PTPN11: variants seen among roughly 807,000 people sequenced by gnomAD.
PTPN11 encodes the protein tyrosine-protein phosphatase non-receptor type 11.
Under a neutral mutation model 78.8 loss-of-function variants are expected in PTPN11, and 6 were observed. The observed-to-expected ratio is 0.08, with a 90% confidence interval of 0.04 to 0.15. The LOEUF (loss-of-function observed/expected upper bound fraction) is 0.15, where lower values mean the gene tolerates loss of function less well. PTPN11 is among the 10% of genes least tolerant of loss of function. The pLI, the probability that PTPN11 is intolerant of heterozygous loss-of-function variation, is 1.00. For missense variants in PTPN11, 386 were observed against 744.8 expected (o/e 0.52, Z 5.61); for synonymous variants, 221 against 263.5 (o/e 0.84, Z 1.56).
chr12:112,427,918 G>C (rs951272219), intron 1 of PTPN11, among the ~76,000 whole-genome samples: 16 of 151,990 alleles, frequency 1.1e-4, no homozygotes, highest in African/African-American at 3.6e-4. Context: ...GCCCAGTTAA[G>C]TTTTTCATTT....
chr12:112,451,868 C>A (rs2038082978), intron 3 of PTPN11, among the ~76,000 whole-genome samples: 1 of 152,060 alleles, frequency 6.6e-6, no homozygotes, highest in African/African-American at 2.4e-5. Flanking sequence ...ACAACTTTTT[C>A]TTTCTTTTTT....
intron 13 of PTPN11, among the ~76,000 whole-genome samples, chr12:112,490,647 G>C (rs7978851): frequency 6.6e-6 from 1 of 151,680 alleles, no homozygotes; most frequent in African/African-American, 2.4e-5. Flanking sequence ...AGGTCTCACT[G>C]TGTTGCCCAG....
At chr12:112,479,533 G>A (rs1348370520) in intron 9 of PTPN11, among the ~76,000 whole-genome samples, 1 of 152,160 alleles carries the variant, frequency 6.6e-6, no homozygotes, top group Non-Finnish European at 1.5e-5. Context: ...TCTGGTCATC[G>A]TGAAACAAAG....
intron 1 of PTPN11, among the ~76,000 whole-genome samples, chr12:112,423,064 A>T (rs2037549364): frequency 6.6e-6 from 1 of 152,166 alleles, no homozygotes; most frequent in Admixed American, 6.6e-5. Flanking sequence ...AGGATTGGAG[A>T]CCCTGAAATG....
chr12:112,424,402 T>A (rs529237317), intron 1 of PTPN11, among the ~76,000 whole-genome samples: 8 of 150,354 alleles, frequency 5.3e-5, no homozygotes, highest in African/African-American at 2.0e-4. Context: ...CAATGCAAAA[T>A]CATAGAAGGA....
At position 112,508,280 on chromosome 12, in the gene PTPN11, A is replaced by C. The variant is rs2038960609; in HGVS notation, c.*2488A>C. Reference sequence around the variant, plus strand: ...AACTTAGGCCAAGGCCAGAGTTATCATAGTCCCTAGGTTGCTACGGCTTAT... The same window carrying C: ...AACTTAGGCCAAGGCCAGAGTTATCCTAGTCCCTAGGTTGCTACGGCTTAT... On this transcript the variant is annotated 3_prime_UTR_variant, in exon 16 of 16. Coordinates refer to ENST00000351677, the MANE Select transcript of PTPN11 (RefSeq NM_002834.5). 1 of 152,624 alleles carries C rather than the reference A, an allele frequency of 6.6e-6. No homozygotes were observed. The highest frequency in any genetic ancestry group is 2.4e-5 in the African/African-American group (1 of 41,460). The allele number at this position is 152,624 out of a possible 1,614,324, so 9.5% of individuals were successfully genotyped here.
At chr12:112,501,862 T>C (rs1226867575) in intron 13 of PTPN11, among the ~76,000 whole-genome samples, 1 of 152,240 alleles carries the variant, frequency 6.6e-6, no homozygotes, top group Non-Finnish European at 1.5e-5. Context: ...GTGAATTCTC[T>C]TGTAGAAACA....
At chr12:112,424,419 C>T (rs774242128) in intron 1 of PTPN11, among the ~76,000 whole-genome samples, 97 of 151,878 alleles carry the variant, frequency 6.4e-4, no homozygotes, top group Non-Finnish European at 1.2e-3. Context: ...AGGATGTGAT[C>T]GGGGGAGTGG....
chr12:112,478,530 C>A (rs2038545824), intron 9 of PTPN11, among the ~76,000 whole-genome samples: 1 of 152,070 alleles, frequency 6.6e-6, no homozygotes, highest in Non-Finnish European at 1.5e-5. Flanking sequence ...TTTTTTCTCC[C>A]CGTGTTTCAT....
At position 112,509,544 on chromosome 12, in the gene PTPN11, T is replaced by C. The variant is rs928106187; in HGVS notation, c.*3752T>C. On this transcript the variant is annotated 3_prime_UTR_variant, in exon 16 of 16. Transcript: ENST00000351677. ...AGTATTGTACCAGAGTATTAAAAGATATGTAATATTTTATTGATAAATCTA... is the reference window on the plus strand; with the variant it reads ...AGTATTGTACCAGAGTATTAAAAGACATGTAATATTTTATTGATAAATCTA... 6.6e-6 allele frequency: 1 copy of C among 152,656 alleles called. No homozygotes were observed. The highest frequency in any genetic ancestry group is 2.4e-5 in the African/African-American group (1 of 41,456). 9.5% of individuals were successfully genotyped at this position (152,656 alleles called of 1,614,324 possible).
chr12:112,449,013 A>T (rs1399317812), intron 2 of PTPN11, among the ~76,000 whole-genome samples: 11 of 151,630 alleles, frequency 7.3e-5, no homozygotes, highest in Non-Finnish European at 2.9e-5. Context: ...CAGCCTCCCC[A>T]GTAGGTGAGA....
chr12:112,419,149 C>A, intron 1 of PTPN11, 24 bp downstream of exon 1: 5 of 1,502,256 alleles, frequency 3.3e-6, no homozygotes, highest in Non-Finnish European at 4.4e-6. Flanking sequence ...AGGGGCCCGG[C>A]GCGGGCCTCG....
intron 1 of PTPN11, among the ~76,000 whole-genome samples, chr12:112,442,705 G>A (rs1020796507): frequency 2.7e-5 from 4 of 149,790 alleles, no homozygotes; most frequent in African/African-American, 7.4e-5. Flanking sequence ...ACCTGCCTCC[G>A]CCTCCCAAAG....
intron 2 of PTPN11, among the ~76,000 whole-genome samples, chr12:112,449,377 G>A (rs2038045323): frequency 6.6e-6 from 1 of 151,732 alleles, no homozygotes; most frequent in Middle Eastern, 3.4e-3. Flanking sequence ...CGTCGTGGCG[G>A]GCGCCTGTAG....
intron 1 of PTPN11, among the ~76,000 whole-genome samples, chr12:112,427,545 C>CA (rs536242811): frequency 0.022 from 2,696 of 121,382 alleles, 36 homozygotes; most frequent in African/African-American, 0.044. Context: ...GACTCTGTCT[C>CA]AAAAAAAAAA....
intron 6 of PTPN11, among the ~76,000 whole-genome samples, chr12:112,463,277 T>G (rs1303631178): frequency 1.3e-5 from 2 of 151,760 alleles, no homozygotes; most frequent in Admixed American, 1.3e-4. Flanking sequence ...GACAGGGTCT[T>G]GCTATGTTGC....
At chr12:112,475,987 A>G in intron 7 of PTPN11, among the ~76,000 whole-genome samples, 1 of 151,980 alleles carries the variant, frequency 6.6e-6, no homozygotes, top group African/African-American at 2.4e-5. Context: ...ATTTTTAGAA[A>G]TAGACAAGAG....
intron 7 of PTPN11, among the ~76,000 whole-genome samples, chr12:112,476,895 A>G (rs568974956): frequency 6.6e-6 from 1 of 152,092 alleles, no homozygotes; most frequent in South Asian, 2.1e-4. Context: ...ACAATTATCA[A>G]CTCATGCCCA....
At chr12:112,421,442 G>T (rs2037520743) in intron 1 of PTPN11, among the ~76,000 whole-genome samples, 1 of 152,022 alleles carries the variant, frequency 6.6e-6, no homozygotes, top group Admixed American at 6.6e-5. Flanking sequence ...CTGTCACTAT[G>T]TATTAGTTTG....
Sources: gnomAD v4.1 joint callset for allele counts (sites outside exome capture counted in the v4.1 genomes callset) on GRCh38, gnomAD v4.1.1 for gene constraint, MANE v1.5 for transcripts, NCBI Gene and HGNC (gene_info 2026-07-23, HGNC 2026-07-21) for gene names.